The following COL6A6 variants were observed in gnomAD, a reference collection of about 807,000 sequenced individuals.
The protein encoded by COL6A6 is collagen alpha-6(VI) chain.
COL6A6 carries 183 observed loss-of-function variants against 208.6 expected under a neutral mutation model. The ratio of observed to expected loss-of-function variants is 0.88; its 90% CI spans 0.78 to 0.99. The LOEUF (loss-of-function observed/expected upper bound fraction) is 0.99. Among genes scored for constraint, COL6A6 ranks in the 50% least tolerant of loss-of-function variants. COL6A6 has a pLI of 0.00. For missense variants in COL6A6, 2,816 were observed against 2,815.2 expected (o/e 1.00, Z -0.01); for synonymous variants, 973 against 1,011.8 (o/e 0.96, Z 0.73).
At chr3:130,657,450 C>T (rs1044157813) in intron 33 of COL6A6, among the ~76,000 whole-genome samples, 4 of 152,208 alleles carry the variant, frequency 2.6e-5, no homozygotes, top group Non-Finnish European at 1.5e-5. Flanking sequence ...AAGTGAACTA[C>T]AGAAACAGCT....
chr3:130,546,158 GGTGAGTGTTA>G (rs1577661858), intron 1 of COL6A6, among the ~76,000 whole-genome samples: 1 of 152,236 alleles, frequency 6.6e-6, no homozygotes, highest in East Asian at 1.9e-4. Context: ...GGACCCTCGC[GGTGAGTGTTA>G]CAGTTCTTAA....
chr3:130,529,229 C>G (rs1479030174), intron 1 of COL6A6, among the ~76,000 whole-genome samples: 1 of 148,428 alleles, frequency 6.7e-6, no homozygotes, highest in Non-Finnish European at 1.5e-5. Flanking sequence ...TGACCAATAG[C>G]TTTCAATGAA....
At chr3:130,526,742 A>T (rs972984791) in intron 1 of COL6A6, among the ~76,000 whole-genome samples, 1 of 152,182 alleles carries the variant, frequency 6.6e-6, no homozygotes, top group Non-Finnish European at 1.5e-5. Context: ...TCACAGTTGT[A>T]ACTTTACACT....
chr3:130,519,916 A>G (rs1482099477), intron 1 of COL6A6, among the ~76,000 whole-genome samples: 1 of 152,212 alleles, frequency 6.6e-6, no homozygotes, highest in Non-Finnish European at 1.5e-5. Flanking sequence ...TTTCCATGGA[A>G]TGTAATACAT....
At chr3:130,626,385 C>A in intron 24 of COL6A6, 100 bp from the exon 25 acceptor site, 2 of 875,902 alleles carry the variant, frequency 2.3e-6, no homozygotes, top group South Asian at 1.4e-5. Context: ...ACACACAGTT[C>A]TGGGCACAAA....
chr3:130,561,361 A>T (rs920554363), intron 2 of COL6A6, among the ~76,000 whole-genome samples: 3 of 152,202 alleles, frequency 2.0e-5, no homozygotes, highest in African/African-American at 7.2e-5. Context: ...TTCCCCTGAG[A>T]TGCTGCTGGC....
At chr3:130,614,910 T>C (rs2064470802) in intron 23 of COL6A6, among the ~76,000 whole-genome samples, 1 of 152,088 alleles carries the variant, frequency 6.6e-6, no homozygotes, top group African/African-American at 2.4e-5. Flanking sequence ...CCTTTTTTTG[T>C]ATTGGTCTAG....
intron 1 of COL6A6, among the ~76,000 whole-genome samples, chr3:130,541,597 A>G (rs2062365010): frequency 6.6e-6 from 1 of 152,008 alleles, no homozygotes; most frequent in Admixed American, 6.6e-5. Flanking sequence ...TATTGTTCAA[A>G]CTCCTTGTCA....
At chr3:130,528,220 A>G (rs904149603) in intron 1 of COL6A6, among the ~76,000 whole-genome samples, 7 of 152,176 alleles carry the variant, frequency 4.6e-5, no homozygotes, top group African/African-American at 1.7e-4. Flanking sequence ...CTGAGCAGGA[A>G]CAAGGAAAGA....
At chr3:130,645,028 C>G in intron 32 of COL6A6, 26 bp downstream of exon 32, 1 of 1,606,044 alleles carries the variant, frequency 6.2e-7, no homozygotes, top group Non-Finnish European at 8.5e-7. Context: ...TTACAGCATG[C>G]TTTAATCAAG....
At chr3:130,616,962 C>A (rs1371741797) in intron 23 of COL6A6, among the ~76,000 whole-genome samples, 2 of 152,080 alleles carry the variant, frequency 1.3e-5, no homozygotes, top group Non-Finnish European at 2.9e-5. Flanking sequence ...TAGAACATTG[C>A]CTGCAGTCAC....
At chr3:130,576,779 T>C (rs937008152) in intron 8 of COL6A6, among the ~76,000 whole-genome samples, 2 of 152,208 alleles carry the variant, frequency 1.3e-5, no homozygotes, top group African/African-American at 4.8e-5. Context: ...GAATGAACAC[T>C]GATAAAGCTT....
chr3:130,553,993 T>G (rs1366700466), intron 1 of COL6A6, among the ~76,000 whole-genome samples: 1 of 152,214 alleles, frequency 6.6e-6, no homozygotes, highest in African/African-American at 2.4e-5. Context: ...ACTGCTGGAC[T>G]GCATGCTCTA....
intron 24 of COL6A6, 40 bp from the exon 25 acceptor site, chr3:130,626,445 T>C: frequency 1.4e-6 from 2 of 1,440,966 alleles, no homozygotes; most frequent in Non-Finnish European, 2.0e-6. Flanking sequence ...GTGCCATCAT[T>C]TCCAATTTCC....
intron 20 of COL6A6, among the ~76,000 whole-genome samples, chr3:130,600,513 C>T (rs2063981154): frequency 1.3e-5 from 2 of 152,198 alleles, no homozygotes; most frequent in African/African-American, 2.4e-5. Flanking sequence ...TGTACATATA[C>T]ACCATGGAAT....
At chr3:130,554,896 C>A (rs1422937777) in intron 1 of COL6A6, among the ~76,000 whole-genome samples, 2 of 152,052 alleles carry the variant, frequency 1.3e-5, no homozygotes, top group African/African-American at 2.4e-5. Flanking sequence ...CACAGTCGGC[C>A]AGCATAGGAG....
Position 130,565,069 on chromosome 3 carries a change from A to G in COL6A6, c.737A>G (p.Asp246Gly). ...ATCAATGGAAGTGAGGAGAACTTTGACTATCTTAAAGGATTCTTGGAAGAA... is the reference window on the plus strand; with the variant it reads ...ATCAATGGAAGTGAGGAGAACTTTGGCTATCTTAAAGGATTCTTGGAAGAA... ...MSINGSEENFDYLKGFLEESV... is the reference protein window; with the variant it reads ...MSINGSEENFGYLKGFLEESV... Residue 246 changes from aspartate to glycine, a missense_variant, in exon 4 of 37, where the codon GAC (aspartate) becomes GGC (glycine). Physicochemically the swap from Asp to Gly is moderately conservative, Grantham distance 94. Transcript: ENST00000358511. The G allele has an allele frequency of 1.2e-6, 2 of 1,613,978 alleles. No homozygotes were observed. Among genetic ancestry groups the G allele is most frequent in the African/African-American group, 2.7e-5 (2 of 75,046 alleles).
At chr3:130,589,647 C>T (rs1455884316) in intron 12 of COL6A6, among the ~76,000 whole-genome samples, 1 of 152,176 alleles carries the variant, frequency 6.6e-6, no homozygotes, top group African/African-American at 2.4e-5. Flanking sequence ...TCTCATTCAT[C>T]TTAAGCCAGG....
At chr3:130,639,623 T>C (rs115760655) in intron 28 of COL6A6, among the ~76,000 whole-genome samples, 8,381 of 150,610 alleles carry the variant, frequency 0.056, 436 homozygotes, top group Admixed American at 0.18. Flanking sequence ...GCCCAGAAAG[T>C]CTTGGCTGCA....
Sources: allele counts gnomAD v4.1 joint callset (sites outside exome capture counted in the v4.1 genomes callset), GRCh38; gene constraint gnomAD v4.1.1; transcripts MANE v1.5; gene names NCBI Gene and HGNC (gene_info 2026-07-23, HGNC 2026-07-21).